CABLES1: variants seen among roughly 807,000 people sequenced by gnomAD.
CABLES1 encodes the protein Cdk5 and Abl enzyme substrate 1.
Under a neutral mutation model 57.8 loss-of-function variants are expected in CABLES1, and 36 were observed. The ratio of observed to expected loss-of-function variants is 0.62; its 90% CI spans 0.48 to 0.82. The LOEUF is 0.82. Among genes scored for constraint, CABLES1 ranks in the 40% least tolerant of loss-of-function variants. The pLI is 0.00. For missense variants in CABLES1, 767 were observed against 836.6 expected, an observed-to-expected ratio of 0.92 and a Z score of 1.03; for synonymous variants, 374 against 363.0, an observed-to-expected ratio of 1.03 and a Z score of -0.35.
In CABLES1 at chr18:23,246,613, G is replaced by T. The variant is rs9954955; in HGVS notation, c.1447-6347G>T. On this transcript the variant is annotated intron_variant, in intron 7 of 9. Transcript: ENST00000256925. ...TCACCGTGTTAGCCAGGATGGTCTC[G>T]ATCTCCTGACCTTGTGATCCGCCCA... 2.2e-3 allele frequency among the ~76,000 whole-genome samples: 329 copies of T among 151,802 alleles called. 2 individuals are homozygous for T. Among genetic ancestry groups the T allele is most frequent in the African/African-American group, 5.0e-3 (206 of 41,216 alleles).
At chr18:23,201,984 G>A (rs369917289) in intron 3 of CABLES1, among the ~76,000 whole-genome samples, 4 of 152,218 alleles carry the variant, frequency 2.6e-5, no homozygotes, top group South Asian at 2.1e-4. Context: ...ACGCTGAGGC[G>A]GAAGGGCCGG....
At chr18:23,255,945 A>G (rs2048154639) in intron 9 of CABLES1, among the ~76,000 whole-genome samples, 1 of 152,196 alleles carries the variant, frequency 6.6e-6, no homozygotes, top group South Asian at 2.1e-4. Flanking sequence ...GCAATATACC[A>G]CACAGCAAAA....
rs115410941 is a variant in CABLES1 at position 23,239,645 on chromosome 18, C to T, written c.1446+2400C>T. ...TGTGTTGGGGAACAGGTATAGAATT[C>T]GCCTGTTGAACCAAGTATTGATTGA... On this transcript the variant is annotated intron_variant, in intron 7 of 9. Transcript: ENST00000256925. 7.5e-3 allele frequency among the ~76,000 whole-genome samples: 1,145 copies of T among 152,248 alleles called. 11 individuals carry two copies. The highest frequency in any genetic ancestry group is 0.026 in the African/African-American group (1,092 of 41,556).
Position 23,253,616 on chromosome 18 carries a change from G to A in CABLES1, c.1554-113G>A, listed in dbSNP as rs556599683. The A allele has an allele frequency of 5.6e-6, 5 of 885,510 alleles. No homozygotes were observed. In the Admixed American group the frequency reaches 9.3e-5, roughly 17 times the overall value. The allele number at this position is 885,510 out of a possible 1,614,324, so 54.9% of individuals were successfully genotyped here. ...CTCCCAGGGACTTAATCCCAGTCCAGATCACCCTCTGGGAAAGAGAAAGAG... is the reference window on the plus strand; with the variant it reads ...CTCCCAGGGACTTAATCCCAGTCCAAATCACCCTCTGGGAAAGAGAAAGAG... On this transcript the variant is annotated intron_variant, in intron 8 of 9. Coordinates refer to ENST00000256925, the MANE Select transcript of CABLES1 (RefSeq NM_001100619.3).
chr18:23,163,886 G>A (rs1282612363), intron 1 of CABLES1, among the ~76,000 whole-genome samples: 2 of 152,136 alleles, frequency 1.3e-5, no homozygotes, highest in East Asian at 3.8e-4. Flanking sequence ...TTAAAAGTAA[G>A]AGTTTAAAAA....
At chr18:23,192,257 G>A (rs1267252897) in intron 2 of CABLES1, among the ~76,000 whole-genome samples, 1 of 152,216 alleles carries the variant, frequency 6.6e-6, no homozygotes, top group Admixed American at 6.5e-5. Flanking sequence ...TGCAGCAAAC[G>A]TGGCTGCCAT....
At chr18:23,169,421 A>G (rs905732840) in intron 1 of CABLES1, among the ~76,000 whole-genome samples, 1 of 152,206 alleles carries the variant, frequency 6.6e-6, no homozygotes, top group Non-Finnish European at 1.5e-5. Flanking sequence ...TAATGTAAGT[A>G]TGCATGATAT....
intron 3 of CABLES1, among the ~76,000 whole-genome samples, chr18:23,210,240 C>T (rs887073778): frequency 6.6e-6 from 1 of 152,182 alleles, no homozygotes; most frequent in East Asian, 1.9e-4. Flanking sequence ...ATTAATTCCT[C>T]TTCTGAAGTC....
intron 1 of CABLES1, among the ~76,000 whole-genome samples, chr18:23,154,835 G>T (rs1039520091): frequency 2.0e-5 from 3 of 152,162 alleles, no homozygotes; most frequent in Admixed American, 6.5e-5. Flanking sequence ...AACAAAACAG[G>T]TTGTTTTAGG....
At chr18:23,254,780 C>A (rs920830459) in intron 9 of CABLES1, among the ~76,000 whole-genome samples, 1 of 152,170 alleles carries the variant, frequency 6.6e-6, no homozygotes, top group African/African-American at 2.4e-5. Flanking sequence ...CCCTTCACTC[C>A]ATGCCCAGGA....
chr18:23,241,455 C>T (rs138907013), intron 7 of CABLES1, among the ~76,000 whole-genome samples: 1,888 of 150,520 alleles, frequency 0.013, 13 homozygotes, highest in African/African-American at 0.024. Flanking sequence ...CGCTTAAACC[C>T]GGGAGGTGGA....
intron 4 of CABLES1, among the ~76,000 whole-genome samples, chr18:23,221,537 C>T (rs1401167024): frequency 6.6e-6 from 1 of 152,122 alleles, no homozygotes. Context: ...AGACAGAAAC[C>T]AGCACAGACA....
At position 23,135,744 on chromosome 18, in the gene CABLES1, C is replaced by A; in HGVS notation, c.-19C>A. The A allele has an allele frequency of 1.0e-6, 1 of 988,254 alleles. No individual in the cohort carries two copies. The highest frequency in any genetic ancestry group is 4.7e-5 in the South Asian group (1 of 21,394). 61.2% of individuals were successfully genotyped at this position (988,254 alleles called of 1,614,324 possible). On this transcript the variant is annotated 5_prime_UTR_variant, in exon 1 of 10. Coordinates refer to ENST00000256925, the MANE Select transcript of CABLES1 (RefSeq NM_001100619.3). ...TCGCTTCTCCGGGCATCGCGGAAAT[C>A]CCGCCGCAGACGGACACAATGGCGG...
At chr18:23,188,611 A>G (rs1339626630) in intron 1 of CABLES1, among the ~76,000 whole-genome samples, 1 of 151,734 alleles carries the variant, frequency 6.6e-6, no homozygotes, top group African/African-American at 2.4e-5. Flanking sequence ...CACTTCCTTA[A>G]TCATCACAAA....
chr18:23,245,561 C>G (rs2047856161), intron 7 of CABLES1, among the ~76,000 whole-genome samples: 1 of 151,488 alleles, frequency 6.6e-6, no homozygotes, highest in Non-Finnish European at 1.5e-5. Flanking sequence ...ATATGGGAGA[C>G]TTTTCATCTG....
At chr18:23,238,828 C>T (rs553225282) in intron 7 of CABLES1, among the ~76,000 whole-genome samples, 8 of 152,364 alleles carry the variant, frequency 5.3e-5, no homozygotes, top group African/African-American at 1.4e-4. Flanking sequence ...GCTGTTTTCA[C>T]GTTGCCCAGC....
rs1161726388 is a variant in CABLES1, at chr18:23,253,786, G to A, written c.1611G>A (p.Thr537=). Residue 537 remains threonine (T), a synonymous_variant, in exon 9 of 10, where the codon ACG becomes ACA. Coordinates refer to ENST00000256925, the MANE Select transcript of CABLES1 (RefSeq NM_001100619.3). ...AQEDCGLEEP[T]VAMAFVYFEK... is the part of the protein sequence containing the mutation. Reference sequence around the variant, plus strand: ...AGGACTGTGGCCTTGAGGAGCCCACGGTGGCCATGGCCTTCGTCTACTTTG... The same window carrying A: ...AGGACTGTGGCCTTGAGGAGCCCACAGTGGCCATGGCCTTCGTCTACTTTG... 9 of 1,614,076 alleles carry A rather than the reference G, an allele frequency of 5.6e-6. No homozygotes were observed. The highest frequency in any genetic ancestry group is 2.7e-5 in the African/African-American group (2 of 74,930).
chr18:23,235,389 C>T lies in CABLES1; in HGVS notation c.1186-506C>T, dbSNP rs867780539. Among the ~76,000 whole-genome samples the T allele has an allele frequency of 7.2e-5, 11 of 152,220 alleles. No homozygotes were observed. In the South Asian group the frequency reaches 1.4e-3, roughly 20 times the overall value. ...GCCTGGGCAGGTGAAAATCAATGCA[C>T]TTGCTCTGTTCACCCCTAACGAGGA... On this transcript the variant is annotated intron_variant, in intron 5 of 9. Transcript: ENST00000256925.
At chr18:23,204,026 C>T (rs994567280) in intron 3 of CABLES1, among the ~76,000 whole-genome samples, 6 of 152,186 alleles carry the variant, frequency 3.9e-5, no homozygotes, top group South Asian at 2.1e-4. Context: ...AGCCTGAAGA[C>T]GCCTCCAGGA....
Sources: gnomAD v4.1 joint callset for allele counts (sites outside exome capture counted in the v4.1 genomes callset) on GRCh38, gnomAD v4.1.1 for gene constraint, MANE v1.5 for transcripts, NCBI Gene and HGNC (gene_info 2026-07-23, HGNC 2026-07-21) for gene names.